Variants in OPCML observed in about 807,000 individuals in gnomAD.
The protein encoded by OPCML is opioid binding protein/cell adhesion molecule like.
A neutral mutation model predicts 37.8 loss-of-function variants in OPCML; 13 were observed. The observed-to-expected ratio is 0.34, with a 90% CI of 0.22 to 0.55. OPCML has a LOEUF of 0.55. Among genes scored for constraint, OPCML ranks in the 20% least tolerant of loss-of-function variants. The pLI is 0.91. For synonymous variants in OPCML, 176 were observed against 168.8 expected, an observed-to-expected ratio of 1.04 and a Z score of -0.33; for missense variants, 341 against 435.6, an observed-to-expected ratio of 0.78 and a Z score of 1.93.
chr11:132,972,750 A>G (rs1946371716), intron 1 of OPCML, among the ~76,000 whole-genome samples: 1 of 152,186 alleles, frequency 6.6e-6, no homozygotes. Flanking sequence ...ACAAAAACAG[A>G]ACTGGGAACA....
chr11:132,856,857 C>T (rs1211872024), intron 2 of OPCML, among the ~76,000 whole-genome samples: 1 of 152,220 alleles, frequency 6.6e-6, no homozygotes, highest in Non-Finnish European at 1.5e-5. Flanking sequence ...AAAGGCCGCA[C>T]AGCACACTTG....
In OPCML at chr11:132,612,294, G is replaced by T. The variant is rs79816713; in HGVS notation, c.379+44793C>A. 9.7e-3 allele frequency among the ~76,000 whole-genome samples: 1,478 copies of T among 152,170 alleles called. 22 individuals carry two copies. Among genetic ancestry groups the T allele is most frequent in the African/African-American group, 0.034 (1,394 of 41,500 alleles). On this transcript the variant is annotated intron_variant, in intron 3 of 7. Transcript: ENST00000524381. ...TTAACTTTTTACATTAATTTATTGT[G>T]AACGCAATAATGAACATGCACTTAT...
chr11:132,928,024 T>G (rs1005239974), intron 2 of OPCML, among the ~76,000 whole-genome samples: 3 of 151,480 alleles, frequency 2.0e-5, no homozygotes, highest in African/African-American at 7.3e-5. Context: ...AAAACTAAAA[T>G]AAACACAAAC....
At chr11:133,505,775 T>C (rs189007345) in intron 1 of OPCML, among the ~76,000 whole-genome samples, 3 of 152,348 alleles carry the variant, frequency 2.0e-5, no homozygotes, top group Admixed American at 2.0e-4. Flanking sequence ...ATTATAACTA[T>C]CACCGCTTCC....
chr11:133,492,431 T>C (rs956835975), intron 1 of OPCML, among the ~76,000 whole-genome samples: 2 of 152,136 alleles, frequency 1.3e-5, no homozygotes, highest in African/African-American at 4.8e-5. Flanking sequence ...GATAACAGCC[T>C]TATATAAAAG....
intron 1 of OPCML, among the ~76,000 whole-genome samples, chr11:133,430,228 G>C (rs1946089409): frequency 6.6e-6 from 1 of 152,148 alleles, no homozygotes; most frequent in Admixed American, 6.5e-5. Context: ...TTTTGGTGGA[G>C]AGGTGAGATC....
At chr11:133,034,264 G>T (rs1947727572) in intron 1 of OPCML, among the ~76,000 whole-genome samples, 1 of 151,046 alleles carries the variant, frequency 6.6e-6, no homozygotes, top group African/African-American at 2.4e-5. Context: ...CTACCCAAAG[G>T]CCAGTGTCAT....
chr11:133,357,488 A>G (rs1383419540), intron 1 of OPCML, among the ~76,000 whole-genome samples: 2 of 152,222 alleles, frequency 1.3e-5, no homozygotes, highest in African/African-American at 2.4e-5. Flanking sequence ...GCAACAGCTC[A>G]CATGTGGGCT....
At chr11:133,160,488 C>T (rs1950127214) in intron 1 of OPCML, among the ~76,000 whole-genome samples, 1 of 152,222 alleles carries the variant, frequency 6.6e-6, no homozygotes, top group African/African-American at 2.4e-5. Context: ...TACATTTGCC[C>T]TGAGCCTTCC....
At chr11:133,390,396 GA>G (rs1366042028) in intron 1 of OPCML, among the ~76,000 whole-genome samples, 1 of 152,300 alleles carries the variant, frequency 6.6e-6, no homozygotes, top group African/African-American at 2.4e-5. Context: ...CCGGGAGGTG[GA>G]GCTTGCAGCG....
chr11:132,502,462 C>G (rs926453439), intron 4 of OPCML, among the ~76,000 whole-genome samples: 1 of 152,220 alleles, frequency 6.6e-6, no homozygotes, highest in African/African-American at 2.4e-5. Context: ...AGTTACACAT[C>G]ACATCTCCTC....
intron 2 of OPCML, among the ~76,000 whole-genome samples, chr11:132,808,990 G>T (rs887968607): frequency 1.3e-5 from 2 of 150,522 alleles, no homozygotes; most frequent in African/African-American, 2.5e-5. Flanking sequence ...CGGTGGGGGC[G>T]GGGGGGTTGC....
intron 2 of OPCML, among the ~76,000 whole-genome samples, chr11:132,832,165 C>G (rs1457277608): frequency 1.3e-5 from 2 of 151,708 alleles, no homozygotes; most frequent in Non-Finnish European, 2.9e-5. Flanking sequence ...AGTCTACAAC[C>G]TTCAGCATCA....
chr11:132,449,369 A>C (rs1328779916), intron 4 of OPCML, among the ~76,000 whole-genome samples: 1 of 152,086 alleles, frequency 6.6e-6, no homozygotes, highest in African/African-American at 2.4e-5. Context: ...TGATGGGTAG[A>C]CTGGAATAAT....
chr11:133,506,723 T>C (rs941502590), intron 1 of OPCML, among the ~76,000 whole-genome samples: 12 of 152,216 alleles, frequency 7.9e-5, no homozygotes, highest in Non-Finnish European at 1.8e-4. Flanking sequence ...GGTATTGTCC[T>C]AGCCACATAA....
At chr11:132,446,344 G>A (rs2136813434) in intron 4 of OPCML, among the ~76,000 whole-genome samples, 1 of 150,634 alleles carries the variant, frequency 6.6e-6, no homozygotes, top group East Asian at 2.0e-4. Flanking sequence ...AGGGAGGGAG[G>A]GAGGGAGGAA....
chr11:133,345,466 C>T (rs185833201), intron 1 of OPCML, among the ~76,000 whole-genome samples: 13 of 152,286 alleles, frequency 8.5e-5, no homozygotes, highest in South Asian at 2.1e-4. Flanking sequence ...AATAATCTTA[C>T]GGCAGTAATG....
At chr11:133,316,745 G>T (rs1038615634) in intron 1 of OPCML, among the ~76,000 whole-genome samples, 2 of 152,166 alleles carry the variant, frequency 1.3e-5, no homozygotes, top group Admixed American at 1.3e-4. Context: ...ATAAGTATCT[G>T]CATGCATGTT....
chr11:133,059,593 T>G (rs1477650597), intron 1 of OPCML, among the ~76,000 whole-genome samples: 1 of 152,198 alleles, frequency 6.6e-6, no homozygotes, highest in African/African-American at 2.4e-5. Context: ...AAGAAACACT[T>G]GATTTTATTA....
Sources: allele counts gnomAD v4.1 joint callset (sites outside exome capture counted in the v4.1 genomes callset), GRCh38; gene constraint gnomAD v4.1.1; transcripts MANE v1.5; gene names NCBI Gene and HGNC (gene_info 2026-07-23, HGNC 2026-07-21).